Variants in MEGF10 observed in about 807,000 individuals in gnomAD.
MEGF10 encodes multiple EGF like domains 10.
MEGF10 carries 86 observed loss-of-function variants against 147.5 expected under a neutral mutation model. The observed-to-expected ratio is 0.58, with a 90% CI of 0.49 to 0.70. MEGF10 has a LOEUF of 0.70. Among genes scored for constraint, MEGF10 ranks in the 30% least tolerant of loss-of-function variants. The pLI is 0.00. For missense variants in MEGF10, 1,329 were observed against 1,487.3 expected, an observed-to-expected ratio of 0.89 and a Z score of 1.75; for synonymous variants, 478 against 525.5, an observed-to-expected ratio of 0.91 and a Z score of 1.24.
At chr5:127,276,109 T>C in the MEGF10 span, among the ~76,000 whole-genome samples, 1 of 152,212 alleles carries the variant, frequency 6.6e-6, no homozygotes, top group East Asian at 1.9e-4. Flanking sequence ...ACTATCTTTT[T>C]CTTAGTGTAG....
the MEGF10 span, among the ~76,000 whole-genome samples, chr5:127,275,804 A>G: frequency 6.6e-6 from 1 of 152,154 alleles, no homozygotes. Context: ...AATTCAAGGG[A>G]TTGTTGACAC....
intron 4 of MEGF10, among the ~76,000 whole-genome samples, chr5:127,356,183 A>G (rs1474739715): frequency 6.6e-6 from 1 of 152,242 alleles, no homozygotes; most frequent in African/African-American, 2.4e-5. Context: ...TGGTGACAGA[A>G]CTTGCATGTT....
chr5:127,318,720 G>T (rs1001678746), intron 1 of MEGF10, among the ~76,000 whole-genome samples: 8 of 152,256 alleles, frequency 5.3e-5, no homozygotes, highest in Admixed American at 4.6e-4. Flanking sequence ...AACGTAATTG[G>T]CTGAGAATGA....
chr5:127,278,807 A>G, the MEGF10 span, among the ~76,000 whole-genome samples: 1 of 152,220 alleles, frequency 6.6e-6, no homozygotes, highest in Admixed American at 6.5e-5. Flanking sequence ...TTCAACTGAC[A>G]GTGAAGATGA....
At chr5:127,359,624 C>T (rs1404148620) in intron 4 of MEGF10, among the ~76,000 whole-genome samples, 4 of 152,078 alleles carry the variant, frequency 2.6e-5, no homozygotes, top group South Asian at 2.1e-4. Flanking sequence ...TAAGTGGACT[C>T]ATAGAGTATT....
At chr5:127,278,216 A>G in the MEGF10 span, among the ~76,000 whole-genome samples, 4 of 152,202 alleles carry the variant, frequency 2.6e-5, no homozygotes, top group Non-Finnish European at 5.9e-5. Context: ...AGGGAAAACT[A>G]TAAAAAGTCT....
Position 127,455,621 on chromosome 5 carries a change from A to C in MEGF10, c.3232+14A>C. 6.2e-7 allele frequency: 1 copy of C among 1,611,396 alleles called. No homozygotes were observed. Among genetic ancestry groups the C allele is most frequent in the East Asian group, 2.2e-5 (1 of 44,818 alleles). ...TCTATGAAGTTGGTGAGTTCCCTTA[A>C]CCATAGAAAGAACCGAGTGCTTAAG... On this transcript the variant is annotated intron_variant, in intron 24 of 24. Transcript: ENST00000503335.
intron 8 of MEGF10, among the ~76,000 whole-genome samples, chr5:127,404,743 T>C (rs1461190855): frequency 1.3e-5 from 2 of 150,524 alleles, no homozygotes; most frequent in Admixed American, 1.3e-4. Flanking sequence ...TGAGATGGAG[T>C]CTTGTTTTGT....
At chr5:127,264,946 C>A in the MEGF10 span, among the ~76,000 whole-genome samples, 1 of 151,356 alleles carries the variant, frequency 6.6e-6, no homozygotes, top group South Asian at 2.1e-4. Flanking sequence ...ACTTTAAGTT[C>A]TAGGGTACAT....
intron 12 of MEGF10, 121 bp downstream of exon 12, chr5:127,420,328 A>G: frequency 1.9e-6 from 2 of 1,055,074 alleles, no homozygotes; most frequent in Non-Finnish European, 1.3e-6. Flanking sequence ...TTCGGTAACT[A>G]CTGGAAGAAT....
At chr5:127,306,913 G>T (rs1484574131) in intron 1 of MEGF10, among the ~76,000 whole-genome samples, 1 of 152,178 alleles carries the variant, frequency 6.6e-6, no homozygotes, top group South Asian at 2.1e-4. Flanking sequence ...AAGCTTAGCT[G>T]CCTGCTTTTA....
In MEGF10 at chr5:127,449,760, A is replaced by C. The variant is rs146562759; in HGVS notation, c.2980+538A>C. ...GAATCAGAGATACCAACAGGAATAC[A>C]GTGGATCAGTGGTTCGGGCAACTTT... is the stretch of plus-strand genomic sequence containing the variant. On this transcript the variant is annotated intron_variant, in intron 22 of 24. Coordinates refer to ENST00000503335, the MANE Select transcript of MEGF10 (RefSeq NM_001256545.2). Among the ~76,000 whole-genome samples the C allele has an allele frequency of 2.6e-3, 402 of 152,296 alleles. 6 individuals carry two copies. The highest frequency in any genetic ancestry group is 9.3e-3 in the African/African-American group (385 of 41,564).
Position 127,333,498 on chromosome 5 carries a change from C to T in MEGF10, c.116+2074C>T, listed in dbSNP as rs933411719. ...CTGCACTCCAGCCTGGGTGACAGAG[C>T]GGACCCTGCCTCAAAAAAAATAAAA... On this transcript the variant is annotated intron_variant, in intron 2 of 24. Transcript: ENST00000503335. Among the ~76,000 whole-genome samples, 8 of 146,212 alleles carry T rather than the reference C, an allele frequency of 5.5e-5. No individual in the cohort carries two copies. The South Asian group carries it at 6.7e-4, about 12-fold the overall frequency.
chr5:127,366,745 A>G (rs764175908), intron 4 of MEGF10, among the ~76,000 whole-genome samples: 1 of 152,204 alleles, frequency 6.6e-6, no homozygotes, highest in Non-Finnish European at 1.5e-5. Context: ...CTTGGAATTC[A>G]TTTCATAAAA....
chr5:127,368,950 A>G (rs1027662226), intron 4 of MEGF10, among the ~76,000 whole-genome samples: 1 of 152,184 alleles, frequency 6.6e-6, no homozygotes, highest in Non-Finnish European at 1.5e-5. Context: ...CAAAAATGTT[A>G]CCAGTTTGAG....
intron 1 of MEGF10, among the ~76,000 whole-genome samples, chr5:127,327,859 C>T (rs1761100798): frequency 6.6e-6 from 1 of 151,954 alleles, no homozygotes. Context: ...GGATTATAGG[C>T]ACCTGCCAGC....
chr5:127,243,669 G>C, the MEGF10 span, among the ~76,000 whole-genome samples: 6 of 152,060 alleles, frequency 3.9e-5, no homozygotes, highest in Non-Finnish European at 7.4e-5. Context: ...TTATAAAAAG[G>C]TCATTTGTGT....
chr5:127,388,828 AGCCAC>A (rs1763539303), intron 5 of MEGF10, among the ~76,000 whole-genome samples: 2 of 152,182 alleles, frequency 1.3e-5, no homozygotes, highest in African/African-American at 4.8e-5. Flanking sequence ...TGCAGGCATG[AGCCAC>A]TGCCCCTGGC....
intron 4 of MEGF10, among the ~76,000 whole-genome samples, chr5:127,365,233 T>C (rs1236218733): frequency 1.3e-5 from 2 of 152,200 alleles, no homozygotes; most frequent in Non-Finnish European, 2.9e-5. Flanking sequence ...TTAATTTAAA[T>C]AAATATATTC....
Sources: allele counts gnomAD v4.1 joint callset (sites outside exome capture counted in the v4.1 genomes callset), GRCh38; gene constraint gnomAD v4.1.1; transcripts MANE v1.5; gene names NCBI Gene and HGNC (gene_info 2026-07-23, HGNC 2026-07-21).